Variants in SCP2 observed in about 807,000 individuals in gnomAD.
SCP2 encodes sterol carrier protein 2, also known as SCP-2/3-oxoacyl-CoA thiolase.
SCP2 carries 48 observed loss-of-function variants against 71.4 expected under a neutral mutation model. The observed-to-expected ratio is 0.67, with a 90% CI of 0.53 to 0.86. The LOEUF (loss-of-function observed/expected upper bound fraction) is 0.86. SCP2 is among the 40% of genes least tolerant of loss of function. The pLI is 0.00. For missense variants in SCP2, 560 were observed against 655.6 expected (o/e 0.85, Z 1.59); for synonymous variants, 220 against 218.1 (o/e 1.01, Z -0.08).
In SCP2 at chr1:53,038,952, T is replaced by C. The variant is rs2150263431; in HGVS notation, c.1374T>C (p.Ile458=). 2 of 1,614,110 alleles carry C rather than the reference T, an allele frequency of 1.2e-6. No homozygotes were observed. Among genetic ancestry groups the C allele is most frequent in the Non-Finnish European group, 1.7e-6 (2 of 1,180,030 alleles). The change falls in exon 14 of 16, where the codon ATT becomes ATC. Residue 458 remains isoleucine (I), a synonymous_variant. Transcript: ENST00000371514. The stretch of plus-strand genomic sequence containing the variant: ...AGTTTGTGAAGAAAATCGGTGGTAT[T>C]TTTGCCTTCAAGGTGAAAGATGGCC... The part of the protein sequence containing the change: ...GEQFVKKIGG[I]FAFKVKDGPG...
chr1:53,004,703 A>G (rs1340892055), intron 11 of SCP2, among the ~76,000 whole-genome samples: 1 of 152,234 alleles, frequency 6.6e-6, no homozygotes, highest in Non-Finnish European at 1.5e-5. Flanking sequence ...TACAGCTCCC[A>G]GCGTGAGTGA....
chr1:53,015,164 T>C (rs940159267), intron 12 of SCP2, 121 bp downstream of exon 12: 9 of 981,336 alleles, frequency 9.2e-6, no homozygotes, highest in Non-Finnish European at 1.3e-5. Context: ...AGTATCTCAT[T>C]ACATTGTTTT....
intron 6 of SCP2, among the ~76,000 whole-genome samples, chr1:52,966,923 C>T: frequency 6.7e-6 from 1 of 149,130 alleles, no homozygotes; most frequent in Admixed American, 6.7e-5. Context: ...CACGATGGCT[C>T]ATGCCTGTAA....
intron 13 of SCP2, among the ~76,000 whole-genome samples, chr1:53,037,922 A>ACACAC (rs1553155289): frequency 0.024 from 3,252 of 133,926 alleles, 155 homozygotes; most frequent in African/African-American, 0.078. Flanking sequence ...ACACACACAC[A>ACACAC]CACACACAGA....
chr1:52,971,083 C>T (rs1557573273), intron 6 of SCP2, among the ~76,000 whole-genome samples: 1 of 148,244 alleles, frequency 6.7e-6, no homozygotes, highest in Non-Finnish European at 1.5e-5. Flanking sequence ...TCACGCCATT[C>T]TCCCGCCTCA....
intron 6 of SCP2, among the ~76,000 whole-genome samples, chr1:52,970,193 C>T (rs1316571781): frequency 6.6e-6 from 1 of 151,746 alleles, no homozygotes; most frequent in African/African-American, 2.4e-5. Flanking sequence ...GTTTTATTGC[C>T]TGGTGATTTG....
intron 11 of SCP2, among the ~76,000 whole-genome samples, chr1:53,003,141 G>C (rs577155939): frequency 6.6e-6 from 1 of 152,206 alleles, no homozygotes; most frequent in African/African-American, 2.4e-5. Flanking sequence ...TGGAGCCCAG[G>C]AGATGGTGTC....
chr1:52,950,691 G>A lies in SCP2; in HGVS notation c.200-64G>A, dbSNP rs1243535088. 1.7e-5 allele frequency: 22 copies of A among 1,304,308 alleles called. No individual in the cohort carries two copies. In the Admixed American group the frequency reaches 3.4e-4, roughly 20 times the overall value. 80.8% of individuals were successfully genotyped at this position (1,304,308 alleles called of 1,614,324 possible). A position where few individuals can be genotyped will look rare whatever the true frequency, so the allele number is the denominator to read the frequency against. ...GTATAATATTGAAAAAACCCATAAT[G>A]TAGTATTATGTTGCATTGCAACTCC... is the stretch of plus-strand genomic sequence containing the variant. On this transcript the variant is annotated intron_variant, in intron 3 of 15. Coordinates refer to ENST00000371514, the MANE Select transcript of SCP2 (RefSeq NM_002979.5).
At position 53,051,251 on chromosome 1, in the gene SCP2, A is replaced by C. The variant is rs1664180116; in HGVS notation, c.*547A>C. The C allele has an allele frequency of 6.6e-6, 1 of 152,306 alleles. No individual in the cohort carries two copies. Among genetic ancestry groups the C allele is most frequent in the Admixed American group, 6.5e-5 (1 of 15,282 alleles). The allele number at this position is 152,306 out of a possible 1,614,324, so 9.4% of individuals were successfully genotyped here. A position where few individuals can be genotyped will look rare whatever the true frequency, so the allele number is the denominator to read the frequency against. On this transcript the variant is annotated 3_prime_UTR_variant, in exon 16 of 16. Transcript: ENST00000371514. ...GAAACAGTATTTTCTTCCCAAATCA[A>C]AATAAAAGAAATATGATCAGAGCTT...
At chr1:53,003,401 G>A (rs1660441370) in intron 11 of SCP2, among the ~76,000 whole-genome samples, 1 of 151,950 alleles carries the variant, frequency 6.6e-6, no homozygotes, top group Admixed American at 6.6e-5. Flanking sequence ...TACATTTTTG[G>A]TAGAGACGGG....
intron 11 of SCP2, among the ~76,000 whole-genome samples, chr1:53,009,388 T>C (rs1660840031): frequency 6.6e-6 from 1 of 152,202 alleles, no homozygotes; most frequent in African/African-American, 2.4e-5. Flanking sequence ...ACTACAAGGC[T>C]ACAGTAACCA....
At chr1:53,029,992 G>A (rs1478582137) in intron 13 of SCP2, among the ~76,000 whole-genome samples, 3 of 151,898 alleles carry the variant, frequency 2.0e-5, no homozygotes, top group East Asian at 1.9e-4. Flanking sequence ...GGGTTCAAGC[G>A]ATTCTCGTGC....
chr1:52,986,857 AC>A (rs1192816900), intron 10 of SCP2, among the ~76,000 whole-genome samples: 6 of 151,718 alleles, frequency 4.0e-5, no homozygotes, highest in African/African-American at 1.5e-4. Flanking sequence ...ACCTATGCAC[AC>A]CCTCCTGTAT....
chr1:52,974,421 T>C (rs1657766394), intron 6 of SCP2, among the ~76,000 whole-genome samples: 1 of 152,194 alleles, frequency 6.6e-6, no homozygotes, highest in Non-Finnish European at 1.5e-5. Flanking sequence ...CAGTCTAGCG[T>C]ACTGGGGTGT....
intron 12 of SCP2, among the ~76,000 whole-genome samples, chr1:53,024,549 T>C (rs17107633): frequency 0.14 from 20,409 of 151,104 alleles, 1,974 homozygotes; most frequent in East Asian, 0.32. Flanking sequence ...CAGAAGGAAA[T>C]GCTACATTTC....
At chr1:52,948,975 G>A (rs1655058937) in intron 3 of SCP2, among the ~76,000 whole-genome samples, 3 of 151,346 alleles carry the variant, frequency 2.0e-5, no homozygotes, top group African/African-American at 2.4e-5. Context: ...TTGGCAAAGG[G>A]GTAAGGTGTG....
intron 5 of SCP2, among the ~76,000 whole-genome samples, chr1:52,959,273 G>A (rs954183565): frequency 2.0e-5 from 3 of 151,066 alleles, no homozygotes; most frequent in Non-Finnish European, 2.9e-5. Context: ...TTGGCTCACC[G>A]CAACCTCCAC....
intron 6 of SCP2, among the ~76,000 whole-genome samples, chr1:52,968,052 T>C (rs903537768): frequency 2.6e-5 from 4 of 152,198 alleles, no homozygotes; most frequent in Non-Finnish European, 5.9e-5. Context: ...GCAATTCTCC[T>C]GCCCCAGCCT....
At chr1:52,979,533 A>T (rs570743261) in intron 9 of SCP2, among the ~76,000 whole-genome samples, 2 of 152,126 alleles carry the variant, frequency 1.3e-5, no homozygotes, top group African/African-American at 4.8e-5. Context: ...TTATTTGAGG[A>T]GAAAAACATG....
Sources: gnomAD v4.1 joint callset for allele counts (sites outside exome capture counted in the v4.1 genomes callset) on GRCh38, gnomAD v4.1.1 for gene constraint, MANE v1.5 for transcripts, NCBI Gene and HGNC (gene_info 2026-07-23, HGNC 2026-07-21) for gene names.